TACC3: variants seen among roughly 807,000 people sequenced by gnomAD.
The protein encoded by TACC3 is transforming acidic coiled-coil-containing protein 3.
In TACC3, 52 loss-of-function variants were observed where a neutral mutation model predicts 86.0. That is an observed-to-expected ratio of 0.60 (90% CI 0.48 to 0.76). TACC3 has a LOEUF of 0.76. TACC3 is among the 30% of genes least tolerant of loss of function. TACC3 has a pLI of 0.00. For synonymous variants in TACC3, 512 were observed against 430.0 expected, an observed-to-expected ratio of 1.19 and a Z score of -2.36; for missense variants, 1,120 against 1,070.4, an observed-to-expected ratio of 1.05 and a Z score of -0.65.
intron 12 of TACC3, 116 bp downstream of exon 12, chr4:1,740,118 C>T (rs972116844): frequency 1.3e-5 from 13 of 1,011,880 alleles, no homozygotes; most frequent in Non-Finnish European, 1.9e-5. Flanking sequence ...CTTTTCCTAA[C>T]ACACGAGTCC....
chr4:1,745,107 C>G lies in TACC3; in HGVS notation c.*94C>G. ...CATGTTCTTTTTTCTGTCTTGTCTT[C>G]AACTTTTTTAAAAACTAGATTGCTT... is the stretch of plus-strand genomic sequence containing the variant. On this transcript the variant is annotated 3_prime_UTR_variant, in exon 16 of 16. Coordinates refer to ENST00000313288, the MANE Select transcript of TACC3 (RefSeq NM_006342.3). 1 of 1,320,796 alleles carries G rather than the reference C, an allele frequency of 7.6e-7. No individual in the cohort carries two copies. The highest frequency in any genetic ancestry group is 1.4e-5 in the South Asian group (1 of 73,752). 81.8% of individuals were successfully genotyped at this position (1,320,796 alleles called of 1,614,324 possible).
intron 10 of TACC3, among the ~76,000 whole-genome samples, chr4:1,738,518 C>T (rs1718403800): frequency 6.6e-6 from 1 of 152,228 alleles, no homozygotes; most frequent in African/African-American, 2.4e-5. Context: ...CAGGTGGCCC[C>T]TGCATGTAAC....
chr4:1,730,820 G>A, intron 4 of TACC3, 67 bp from the exon 5 acceptor site: 2 of 1,533,992 alleles, frequency 1.3e-6, no homozygotes, highest in Non-Finnish European at 1.8e-6. Flanking sequence ...GCAGCTCAGT[G>A]CTGGAGCAGG....
rs773885343 is a variant in TACC3 at position 1,740,968 on chromosome 4, G to T, written c.2205G>T (p.Val735=). ...LFKRFEKQKE[V]IEGYRKNEES... ...AGCGTTTTGAGAAACAGAAAGAGGT[G>T]ATCGAGGGCTACCGCAAGGTATGTC... is the stretch of plus-strand genomic sequence containing the variant. Residue 735 remains valine (V), a synonymous_variant, in exon 13 of 16, where the codon GTG becomes GTT. Transcript: ENST00000313288. 1 of 1,608,290 alleles carries T rather than the reference G, an allele frequency of 6.2e-7. No individual in the cohort carries two copies. Among genetic ancestry groups the T allele is most frequent in the Non-Finnish European group, 8.5e-7 (1 of 1,178,526 alleles).
chr4:1,721,200 TTGAGCACAGGTGGGGAAACTTAGGCC>T (rs1717320675), upstream of TACC3: 1 of 177,206 alleles, frequency 5.6e-6, no homozygotes, highest in South Asian at 1.9e-4. Flanking sequence ...CACCTGTGCA[TTGAGCACAGGTGGGGAAACTTAGGCC>T]TGAGCGAGGC....
intron 3 of TACC3, 98 bp downstream of exon 3, chr4:1,723,968 A>AC: frequency 5.0e-6 from 7 of 1,394,616 alleles, no homozygotes; most frequent in Non-Finnish European, 6.9e-6. Context: ...CCTTGGCTGG[A>AC]TTTTTTGTTT....
At chr4:1,741,110 G>T in intron 13 of TACC3, 124 bp downstream of exon 13, 1 of 933,412 alleles carries the variant, frequency 1.1e-6, no homozygotes, top group Non-Finnish European at 1.6e-6. Flanking sequence ...TTGCCACGGG[G>T]GCATGGGATG....
intron 1 of TACC3, 25 bp from the exon 2 acceptor site, chr4:1,723,396 A>T (rs1577204691): frequency 1.9e-6 from 3 of 1,607,684 alleles, no homozygotes; most frequent in East Asian, 2.2e-5. Flanking sequence ...CCTCACACTG[A>T]CACAAACATG....
intron 3 of TACC3, among the ~76,000 whole-genome samples, chr4:1,724,770 CTGT>C (rs1306272618): frequency 6.7e-6 from 1 of 149,284 alleles, no homozygotes; most frequent in Non-Finnish European, 1.5e-5. Flanking sequence ...ACTGTTGTTG[CTGT>C]TGTTTTGAGA....
upstream of TACC3, chr4:1,720,634 G>T: frequency 6.5e-7 from 1 of 1,539,056 alleles, no homozygotes; most frequent in Admixed American, 2.0e-5. This position sits in a 1 kb window ranked among gnomAD's most constrained non-coding sequence, Gnocchi z 4.4. Context: ...CAGCCTCACC[G>T]AGCGGCAGCA....
intron 13 of TACC3, 80 bp from the exon 14 acceptor site, chr4:1,744,438 C>T (rs1718743285): frequency 2.3e-6 from 3 of 1,328,900 alleles, no homozygotes; most frequent in East Asian, 2.3e-5. Flanking sequence ...CCTCGAGGAT[C>T]TGCAGGTCCC....
chr4:1,726,137 C>T (rs1717676600), intron 3 of TACC3, among the ~76,000 whole-genome samples: 1 of 152,262 alleles, frequency 6.6e-6, no homozygotes, highest in African/African-American at 2.4e-5. Flanking sequence ...GCCGCCTCTT[C>T]TGTCAGGGGC....
In TACC3 at chr4:1,735,811, G is replaced by C; in HGVS notation, c.1725G>C (p.Val575=). The C allele has an allele frequency of 1.3e-6, 2 of 1,595,200 alleles. No homozygotes were observed. The highest frequency in any genetic ancestry group is 1.7e-6 in the Non-Finnish European group (2 of 1,166,822). ...TGAGGGACAGTCCTGGTAGACCAGT[G>C]CCCGTGGCCACCGAGACCAGCAGGT... is the stretch of plus-strand genomic sequence containing the variant. ...PLLRDSPGRP[V]PVATETSSMH... Residue 575 remains valine, a synonymous_variant, in exon 8 of 16, where the codon GTG becomes GTC. Transcript: ENST00000313288. The surrounding 1 kb of genome is among the most constrained non-coding windows in gnomAD (Gnocchi z 4.2).
In TACC3 at chr4:1,724,038, C is replaced by T. The variant is rs184583149; in HGVS notation, c.305+168C>T. ...CGCTGGAGTGCAGTGGCGCGATGTC[C>T]GCTCACTGCAAGCTCCGCCCCCCAG... On this transcript the variant is annotated intron_variant, in intron 3 of 15. Coordinates refer to ENST00000313288, the MANE Select transcript of TACC3 (RefSeq NM_006342.3). Among the ~76,000 whole-genome samples the T allele has an allele frequency of 5.3e-5, 8 of 151,648 alleles. No individual in the cohort carries two copies. The East Asian group carries it at 1.4e-3, about 26-fold the overall frequency.
In TACC3 at chr4:1,735,265, CCT is replaced by C; in HGVS notation, c.1592-4_1592-3del. The C allele has an allele frequency of 1.2e-6, 2 of 1,613,956 alleles. No homozygotes were observed. The highest frequency in any genetic ancestry group is 1.7e-4 in the Middle Eastern group (1 of 6,060). On this transcript the variant is annotated splice_region_variant and splice_polypyrimidine_tract_variant and intron_variant, in intron 6 of 15. Transcript: ENST00000313288. This position sits in a 1 kb window ranked among gnomAD's most constrained non-coding sequence, Gnocchi z 4.2. ...GGCGATGGCGGCGGCATGATTCACT[CCT>C]CTCAGTTCTAGGCACGGGCGCGGAG... is the stretch of plus-strand genomic sequence containing the variant.
chr4:1,729,561 A>G (rs770392598), intron 4 of TACC3, among the ~76,000 whole-genome samples: 6 of 152,172 alleles, frequency 3.9e-5, no homozygotes, highest in Non-Finnish European at 7.4e-5. Flanking sequence ...GCGGAGAGAG[A>G]GGACAGCTGA....
chr4:1,724,273 G>T (rs1201372708), intron 3 of TACC3, among the ~76,000 whole-genome samples: 1 of 151,772 alleles, frequency 6.6e-6, no homozygotes, highest in Non-Finnish European at 1.5e-5. Flanking sequence ...CGCCCGGCCG[G>T]CCTTGGCTGG....
Position 1,744,580 on chromosome 4 carries a change from G to C in TACC3, c.2286G>C (p.Gln762His). 6.2e-7 allele frequency: 1 copy of C among 1,613,298 alleles called. No individual in the cohort carries two copies. The highest frequency in any genetic ancestry group is 8.5e-7 in the Non-Finnish European group (1 of 1,180,014). Reference sequence around the variant, plus strand: ...TGGCAAGGATCACCCAGGAGGGCCAGAGGTACCAAGCCCTGAAGGCCCACG... The same window carrying C: ...TGGCAAGGATCACCCAGGAGGGCCACAGGTACCAAGCCCTGAAGGCCCACG... ...DYLARITQEG[Q>H]RYQALKAHAE... The change falls in exon 14 of 16, where the codon CAG becomes CAC. Residue 762 changes from glutamine to histidine, a missense_variant. Gln to His is a conservative substitution (Grantham distance 24). Transcript: ENST00000313288.
In TACC3 at chr4:1,728,723, C is replaced by G. The variant is rs1216398976; in HGVS notation, c.1321C>G (p.Gln441Glu). The change falls in exon 4 of 16, where the codon CAG becomes GAG. Residue 441 changes from glutamine to glutamate, a missense_variant. By Grantham distance (29) the Gln-to-Glu change is conservative. Coordinates refer to ENST00000313288, the MANE Select transcript of TACC3 (RefSeq NM_006342.3). ...PPESPETRLG[Q>E]PAAEQLHAGP... Reference sequence around the variant, plus strand: ...AGAAAGCCCTGAGACCAGGCTGGGCCAGCCAGCGGCTGAACAGTTGCATGC... The same window carrying G: ...AGAAAGCCCTGAGACCAGGCTGGGCGAGCCAGCGGCTGAACAGTTGCATGC... 6.2e-7 allele frequency: 1 copy of G among 1,613,254 alleles called. No homozygotes were observed. Among genetic ancestry groups the G allele is most frequent in the East Asian group, 2.2e-5 (1 of 44,886 alleles).
Sources: allele counts gnomAD v4.1 joint callset (sites outside exome capture counted in the v4.1 genomes callset), GRCh38; gene constraint gnomAD v4.1.1; non-coding constraint Gnocchi (gnomAD v3.1); transcripts MANE v1.5; gene names NCBI Gene and HGNC (gene_info 2026-07-23, HGNC 2026-07-21).